Variants in C1QL3 observed in about 807,000 individuals in gnomAD.
C1QL3 encodes complement C1q like 3, also known as complement C1q-like protein 3.
Under a neutral mutation model 16.6 loss-of-function variants are expected in C1QL3, and 4 were observed. The ratio of observed to expected loss-of-function variants is 0.24; its 90% confidence interval spans 0.12 to 0.55. The LOEUF (loss-of-function observed/expected upper bound fraction) is 0.55. C1QL3 is among the 20% of genes least tolerant of loss of function. The pLI is 0.94. For missense variants in C1QL3, 269 were observed against 365.6 expected, an observed-to-expected ratio of 0.74 and a Z score of 2.16; for synonymous variants, 189 against 160.2, an observed-to-expected ratio of 1.18 and a Z score of -1.36.
chr10:16,519,423 A>C (rs1397771957), intron 1 of C1QL3, among the ~76,000 whole-genome samples: 11 of 151,990 alleles, frequency 7.2e-5, no homozygotes, highest in Non-Finnish European at 1.5e-4. Context: ...CGCAGGCTGC[A>C]GGCTGCAAGG....
rs1212372532 is a variant in C1QL3 at position 16,520,461 on chromosome 10, C to T, written c.588+17G>A. ...CGCGCTCCCTCCCCGCCCTCCCCGC[C>T]GCCCGCCCGCGCTCACCTGGTTGTT... On this transcript the variant is annotated intron_variant, in intron 1 of 1. Coordinates refer to ENST00000298943, the MANE Select transcript of C1QL3 (RefSeq NM_001010908.2). This position sits in a 1 kb window ranked among gnomAD's most constrained non-coding sequence, Gnocchi z 8.3. The T allele has an allele frequency of 7.4e-6, 11 of 1,494,622 alleles. No homozygotes were observed. Among genetic ancestry groups the T allele is most frequent in the African/African-American group, 1.4e-5 (1 of 70,278 alleles). The allele number at this position is 1,494,622 out of a possible 1,614,324, so 92.6% of individuals were successfully genotyped here.
At chr10:16,516,510 T>G (rs1052803118) in intron 1 of C1QL3, among the ~76,000 whole-genome samples, 1 of 152,200 alleles carries the variant, frequency 6.6e-6, no homozygotes, top group Non-Finnish European at 1.5e-5. Flanking sequence ...AATACATTAG[T>G]TATCAACCCA....
intron 1 of C1QL3, among the ~76,000 whole-genome samples, chr10:16,518,383 T>C (rs75904553): frequency 0.067 from 10,252 of 152,308 alleles, 382 homozygotes; most frequent in Non-Finnish European, 0.085. Flanking sequence ...TTTGCAGAAG[T>C]AGCAGCTTAA....
chr10:16,520,563 G>C lies in C1QL3; in HGVS notation c.503C>G (p.Pro168Arg), dbSNP rs1183239694. The change falls in exon 1 of 2, where the codon CCG (proline) becomes CGG (arginine). Residue 168 changes from proline (P) to arginine (R), a missense_variant. This residue lies in a region of C1QL3 where 246 missense variants were observed against 297.2 expected (regional missense o/e 0.83). Transcript: ENST00000298943. This position sits in a 1 kb window ranked among gnomAD's most constrained non-coding sequence, Gnocchi z 8.3. The stretch of plus-strand genomic sequence containing the variant: ...GTGGTAGGTGAAGAAGTAGATGCCC[G>C]GGATGGAGCAGGTGAACTTGCCGGT... ...PTTGKFTCSIPGIYFFTYHVL... is the reference protein window; with the variant it reads ...PTTGKFTCSIRGIYFFTYHVL... The C allele has an allele frequency of 9.3e-6, 15 of 1,613,344 alleles. No homozygotes were observed. Among genetic ancestry groups the C allele is most frequent in the Non-Finnish European group, 1.2e-5 (14 of 1,179,598 alleles).
At chr10:16,516,771 CA>C (rs1836958134) in intron 1 of C1QL3, among the ~76,000 whole-genome samples, 1 of 152,232 alleles carries the variant, frequency 6.6e-6, no homozygotes, top group Non-Finnish European at 1.5e-5. Flanking sequence ...GGCGTAACCA[CA>C]AATTCCTGCG....
At position 16,520,849 on chromosome 10, in the gene C1QL3, C is replaced by T; in HGVS notation, c.217G>A (p.Gly73Ser). 1 of 1,420,450 alleles carries T rather than the reference C, an allele frequency of 7.0e-7. No homozygotes were observed. Among genetic ancestry groups the T allele is most frequent in the Non-Finnish European group, 9.2e-7 (1 of 1,091,092 alleles). The allele number at this position is 1,420,450 out of a possible 1,614,324, so 88.0% of individuals were successfully genotyped here. A position where few individuals can be genotyped will look rare whatever the true frequency, so the allele number is the denominator to read the frequency against. The change falls in exon 1 of 2, where the codon GGT becomes AGT. Residue 73 changes from glycine (G) to serine (S), a missense_variant. Physicochemically the swap from Gly to Ser is moderately conservative, Grantham distance 56. Transcript: ENST00000298943. This position sits in a 1 kb window ranked among gnomAD's most constrained non-coding sequence, Gnocchi z 8.3. ...GGCTCTCCGGGGGGCCCGCGCGGAC[C>T]CGCCTTCCCGGGCCTGCCGGCCTCG... ...KGEAGRPGKA[G>S]PRGPPGEPGP...
chr10:16,521,547 G>A lies in C1QL3; in HGVS notation c.-482C>T. 1 of 153,662 alleles carries A rather than the reference G, an allele frequency of 6.5e-6. No homozygotes were observed. The allele number at this position is 153,662 out of a possible 1,614,324, so 9.5% of individuals were successfully genotyped here. A position where few individuals can be genotyped will look rare whatever the true frequency, so the allele number is the denominator to read the frequency against. On this transcript the variant is annotated 5_prime_UTR_variant, in exon 1 of 2. The change creates a new upstream start codon in the 5' untranslated region. Transcript: ENST00000298943. The stretch of plus-strand genomic sequence containing the variant: ...CTGCGCCTGTTCGCACCAACTTTCC[G>A]TCTGAAGTTGCCTTTTTCTGCCTCC...
rs117330342 is a variant in C1QL3, at chr10:16,518,653, A to C, written c.588+1825T>G. Among the ~76,000 whole-genome samples the C allele has an allele frequency of 1.4e-3, 209 of 152,274 alleles. 1 individual carries two copies. The highest frequency in any genetic ancestry group is 0.014 in the Middle Eastern group (4 of 294). On this transcript the variant is annotated intron_variant, in intron 1 of 1. Coordinates refer to ENST00000298943, the MANE Select transcript of C1QL3 (RefSeq NM_001010908.2). ...AAATGTATTAATCCCTTCTTTTTTC[A>C]TGCAATTGCAATTTCCAGATATTTA... is the stretch of plus-strand genomic sequence containing the variant.
At chr10:16,516,047 A>G (rs768343804) in intron 1 of C1QL3, among the ~76,000 whole-genome samples, 17 of 152,154 alleles carry the variant, frequency 1.1e-4, no homozygotes, top group Non-Finnish European at 2.2e-4. Context: ...TGAAATGTTA[A>G]AAAAAGAAGA....
At chr10:16,516,207 T>C (rs972088766) in intron 1 of C1QL3, among the ~76,000 whole-genome samples, 2 of 152,164 alleles carry the variant, frequency 1.3e-5, no homozygotes, top group Non-Finnish European at 2.9e-5. Context: ...GAAAGCAATA[T>C]ACCATGTAAT....
At position 16,520,702 on chromosome 10, in the gene C1QL3, TG is replaced by T; in HGVS notation, c.363del (p.Tyr121Ter). 1.3e-6 allele frequency: 2 copies of T among 1,583,038 alleles called. No individual in the cohort carries two copies. Among genetic ancestry groups the T allele is most frequent in the Non-Finnish European group, 1.7e-6 (2 of 1,164,620 alleles). ...TAGAAGGCGATCTTGGGCACCGTGC[TG>T]TAGGTGGCGGCGCTGATGGCCCCGG... ...NAAGAISAAT[Y>X]STVPKIAFYA... On this transcript the variant is annotated frameshift_variant, in exon 1 of 2. Transcript: ENST00000298943. LOFTEE classifies it high-confidence loss of function. The surrounding 1 kb of genome is among the most constrained non-coding windows in gnomAD (Gnocchi z 8.3).
intron 1 of C1QL3, among the ~76,000 whole-genome samples, chr10:16,519,457 C>T (rs996827025): frequency 6.6e-6 from 1 of 152,112 alleles, no homozygotes; most frequent in African/African-American, 2.4e-5. Flanking sequence ...GCTACTGATT[C>T]AGCGTGCACA....
In C1QL3 at chr10:16,520,135, G is replaced by A. The variant is rs1299129139; in HGVS notation, c.588+343C>T. On this transcript the variant is annotated intron_variant, in intron 1 of 1. Transcript: ENST00000298943. The surrounding 1 kb of genome is among the most constrained non-coding windows in gnomAD (Gnocchi z 8.3). ...TACCCTCTGTTGCGGAGGATCCCAC[G>A]GCCAGGGGTCGCTTCCCGCGCCGGG... Among the ~76,000 whole-genome samples, 2 of 152,088 alleles carry A rather than the reference G, an allele frequency of 1.3e-5. No individual in the cohort carries two copies. Among genetic ancestry groups the A allele is most frequent in the East Asian group, 1.9e-4 (1 of 5,162 alleles).
chr10:16,514,609 G>T lies in C1QL3; in HGVS notation c.687C>A (p.Ile229=), dbSNP rs1836918878. The part of the protein sequence containing the change: ...LHLEPGDEVY[I]KLDGGKAHGG... ...CATGGGCTTTCCCGCCATCTAATTT[G>T]ATATAGACTTCATCTCCCGGCTCCA... Residue 229 remains isoleucine (I), a synonymous_variant, in exon 2 of 2, where the codon ATC becomes ATA. Coordinates refer to ENST00000298943, the MANE Select transcript of C1QL3 (RefSeq NM_001010908.2). 1 of 1,613,750 alleles carries T rather than the reference G, an allele frequency of 6.2e-7. No homozygotes were observed. Among genetic ancestry groups the T allele is most frequent in the Non-Finnish European group, 8.5e-7 (1 of 1,179,754 alleles).
Position 16,514,433 on chromosome 10 carries a change from C to T in C1QL3, c.*95G>A. The T allele has an allele frequency of 9.9e-7, 1 of 1,010,090 alleles. No individual in the cohort carries two copies. Among genetic ancestry groups the T allele is most frequent in the Non-Finnish European group, 1.5e-6 (1 of 664,210 alleles). The allele number at this position is 1,010,090 out of a possible 1,614,324, so 62.6% of individuals were successfully genotyped here. A position where few individuals can be genotyped will look rare whatever the true frequency, so the allele number is the denominator to read the frequency against. ...CCCACATATACACAACTGAGGTGCC[C>T]TGCCATTGGCATCCCCTGGGATCCT... On this transcript the variant is annotated 3_prime_UTR_variant, in exon 2 of 2. Coordinates refer to ENST00000298943, the MANE Select transcript of C1QL3 (RefSeq NM_001010908.2).
At position 16,520,822 on chromosome 10, in the gene C1QL3, C is replaced by T; in HGVS notation, c.244G>A (p.Gly82Arg). 1 of 1,362,352 alleles carries T rather than the reference C, an allele frequency of 7.3e-7. No individual in the cohort carries two copies. The highest frequency in any genetic ancestry group is 9.4e-7 in the Non-Finnish European group (1 of 1,060,450). 84.4% of individuals were successfully genotyped at this position (1,362,352 alleles called of 1,614,324 possible). Residue 82 changes from glycine (G) to arginine (R), a missense_variant, in exon 1 of 2, where the codon GGG (glycine) becomes AGG (arginine). This residue lies in a region of C1QL3 where 246 missense variants were observed against 297.2 expected (regional missense o/e 0.83). Coordinates refer to ENST00000298943, the MANE Select transcript of C1QL3 (RefSeq NM_001010908.2). The surrounding 1 kb of genome is among the most constrained non-coding windows in gnomAD (Gnocchi z 8.3). ...GGGGGCCCCATGGGGCCGGGTGGCC[C>T]GGGCTCTCCGGGGGGCCCGCGCGGA... Reference protein sequence around the residue: ...AGPRGPPGEPGPPGPMGPPGE... With the variant: ...AGPRGPPGEPRPPGPMGPPGE...
At chr10:16,514,732 GATGCGTAA>G (rs1564416603) in intron 1 of C1QL3, 25 bp from the exon 2 acceptor site, 1 of 1,569,078 alleles carries the variant, frequency 6.4e-7, no homozygotes, top group Admixed American at 1.8e-5. Flanking sequence ...CAAGAATTAG[GATGCGTAA>G]ATGAGAATTC....
intron 1 of C1QL3, among the ~76,000 whole-genome samples, chr10:16,518,779 G>C (rs936838101): frequency 3.9e-5 from 6 of 152,020 alleles, no homozygotes; most frequent in African/African-American, 1.2e-4. Context: ...GTATTTTCCA[G>C]ACCTGACCTT....
chr10:16,514,736 C>T lies in C1QL3; in HGVS notation c.589-29G>A, dbSNP rs773264940. ...TGTGAAACAGACAAGAATTAGGATG[C>T]GTAAATGAGAATTCTCAAGTTTTCT... On this transcript the variant is annotated intron_variant, in intron 1 of 1. Coordinates refer to ENST00000298943, the MANE Select transcript of C1QL3 (RefSeq NM_001010908.2). 156 of 1,545,112 alleles carry T rather than the reference C, an allele frequency of 1.0e-4. 1 individual carries two copies. The highest frequency in any genetic ancestry group is 4.1e-5 in the African/African-American group (3 of 72,290).
Sources: allele counts gnomAD v4.1 joint callset (sites outside exome capture counted in the v4.1 genomes callset), GRCh38; gene constraint gnomAD v4.1.1; regional missense constraint gnomAD v4.1.1; non-coding constraint Gnocchi (gnomAD v3.1); transcripts MANE v1.5; gene names NCBI Gene and HGNC (gene_info 2026-07-23, HGNC 2026-07-21).